The following ZNHIT3 variants were observed in gnomAD, a reference collection of about 807,000 sequenced individuals.
The protein encoded by ZNHIT3 is zinc finger HIT domain-containing protein 3.
In ZNHIT3, 27 loss-of-function variants were observed where a neutral mutation model predicts 19.9. The observed-to-expected ratio is 1.36, with a 90% CI of 1.00 to 1.87. The LOEUF is 1.87. Ranked by LOEUF, ZNHIT3 falls within the 40% of genes most tolerant of loss-of-function variation. The probability of loss-of-function intolerance (pLI) is 0.00; values close to 1 mark genes in which losing one functional copy is unlikely to be tolerated. For missense variants in ZNHIT3, 215 were observed against 185.6 expected, an observed-to-expected ratio of 1.16 and a Z score of -0.92; for synonymous variants, 81 against 65.7, an observed-to-expected ratio of 1.23 and a Z score of -1.13.
chr17:36,489,039 G>A (rs2070661696), intron 2 of ZNHIT3: 1 of 152,200 alleles, frequency 6.6e-6, no homozygotes, highest in Non-Finnish European at 1.5e-5. Context: ...AACTTGCTTA[G>A]CATCCACATG....
At chr17:36,487,213 C>G (rs1405313715) in intron 2 of ZNHIT3, among the ~76,000 whole-genome samples, 1 of 152,170 alleles carries the variant, frequency 6.6e-6, no homozygotes, top group African/African-American at 2.4e-5. Context: ...TTCTACCCCG[C>G]TTCTCCTTCT....
In ZNHIT3 at chr17:36,495,534, A is replaced by G. The variant is rs747787393; in HGVS notation, c.*130A>G. 5 of 1,363,012 alleles carry G rather than the reference A, an allele frequency of 3.7e-6. No homozygotes were observed. Among genetic ancestry groups the G allele is most frequent in the Non-Finnish European group, 4.7e-6 (5 of 1,061,484 alleles). The allele number at this position is 1,363,012 out of a possible 1,614,324, so 84.4% of individuals were successfully genotyped here. On this transcript the variant is annotated 3_prime_UTR_variant, in exon 5 of 5. Coordinates refer to ENST00000617429, the MANE Select transcript of ZNHIT3 (RefSeq NM_004773.4). Reference sequence around the variant, plus strand: ...AGGTTTCCAGGATGCAGATTAGGTCATGCAGGCCTTTACCGGCATTGATGT... The same window carrying G: ...AGGTTTCCAGGATGCAGATTAGGTCGTGCAGGCCTTTACCGGCATTGATGT...
At chr17:36,498,483 A>C, downstream of ZNHIT3, 1 of 1,614,006 alleles carries the variant, frequency 6.2e-7, no homozygotes, top group Non-Finnish European at 8.5e-7. Context: ...CGAGGTGCTC[A>C]GGGAACAGGG....
intron 2 of ZNHIT3, 145 bp downstream of exon 2, chr17:36,487,111 C>T: frequency 9.2e-7 from 1 of 1,083,898 alleles, no homozygotes; most frequent in Non-Finnish European, 1.3e-6. Flanking sequence ...CTTGCTTCCT[C>T]TGACTTGGTC....
chr17:36,496,986 C>T (rs963485079), downstream of ZNHIT3, among the ~76,000 whole-genome samples: 3 of 152,042 alleles, frequency 2.0e-5, no homozygotes, highest in Non-Finnish European at 2.9e-5. Context: ...TCACAAAGCC[C>T]TGAGTGACAA....
chr17:36,496,178 C>G, downstream of ZNHIT3: 2 of 1,567,460 alleles, frequency 1.3e-6, no homozygotes, highest in South Asian at 2.3e-5. Context: ...AGTCTGGCAG[C>G]TGTGTGCTGA....
At chr17:36,493,860 TG>T in intron 3 of ZNHIT3, 65 bp from the exon 4 acceptor site, 1 of 1,073,108 alleles carries the variant, frequency 9.3e-7, no homozygotes, top group Non-Finnish European at 1.4e-6. Flanking sequence ...GTTCAAGTAG[TG>T]GTTAAAATCT....
At chr17:36,498,987 GCAGTGGCAGAGCCAGCATTC>G, downstream of ZNHIT3, 1 of 1,054,936 alleles carries the variant, frequency 9.5e-7, no homozygotes, top group Non-Finnish European at 1.4e-6. Context: ...CACCTGCATT[GCAGTGGCAGAGCCAGCATTC>G]CCACTCGGGT....
chr17:36,493,941 T>A lies in ZNHIT3; in HGVS notation c.221T>A (p.Ile74Lys), dbSNP rs756908527. 6.2e-7 allele frequency: 1 copy of A among 1,613,394 alleles called. No individual in the cohort carries two copies. The highest frequency in any genetic ancestry group is 1.1e-5 in the South Asian group (1 of 91,046). The change falls in exon 4 of 5, where the codon ATA becomes AAA. Residue 74 changes from isoleucine to lysine, a missense_variant. Coordinates refer to ENST00000617429, the MANE Select transcript of ZNHIT3 (RefSeq NM_004773.4). ...TATTCCTTAGATGATGATGACTCTA[T>A]AGCTGATTTTCTCAATAGTGATGAG... ...PVENKDDDDS[I>K]ADFLNSDEEE...
chr17:36,497,404 T>C (rs537825583), downstream of ZNHIT3, among the ~76,000 whole-genome samples: 1 of 150,776 alleles, frequency 6.6e-6, no homozygotes, highest in South Asian at 2.1e-4. Context: ...AACCAAGCAA[T>C]ACAATTTGGG....
chr17:36,499,262 A>G, downstream of ZNHIT3: 3 of 794,874 alleles, frequency 3.8e-6, no homozygotes, highest in Middle Eastern at 7.1e-4. Flanking sequence ...AAAGTTTCAA[A>G]TACGTTTTTT....
intron 3 of ZNHIT3, chr17:36,493,219 A>G (rs1281358368): frequency 9.9e-6 from 4 of 404,104 alleles, no homozygotes; most frequent in Non-Finnish European, 1.8e-5. Flanking sequence ...CCCTCCATGA[A>G]TCTGGCTGGG....
chr17:36,489,018 T>A (rs1368175957), intron 2 of ZNHIT3: 1 of 152,232 alleles, frequency 6.6e-6, no homozygotes, highest in East Asian at 1.9e-4. Flanking sequence ...GCTCTCTACT[T>A]CTGTGAAATC....
At chr17:36,489,632 T>C (rs1213031020) in intron 2 of ZNHIT3, 1 of 152,040 alleles carries the variant, frequency 6.6e-6, no homozygotes, top group Admixed American at 6.6e-5. Context: ...CCCATTTTTT[T>C]TTTTTTTCTT....
Position 36,493,956 on chromosome 17 carries a change from A to C in ZNHIT3, c.236A>C (p.Asn79Thr), listed in dbSNP as rs1204102434. The C allele has an allele frequency of 6.2e-7, 1 of 1,613,728 alleles. No individual in the cohort carries two copies. Among genetic ancestry groups the C allele is most frequent in the Non-Finnish European group, 8.5e-7 (1 of 1,179,766 alleles). ...GATGACTCTATAGCTGATTTTCTCA[A>C]TAGTGATGAGGAAGAAGACAGAGTT... ...DDDDSIADFL[N>T]SDEEEDRVSL... The change falls in exon 4 of 5, where the codon AAT becomes ACT. Residue 79 changes from asparagine to threonine, a missense_variant. Asn to Thr is a moderately conservative substitution (Grantham distance 65). Coordinates refer to ENST00000617429, the MANE Select transcript of ZNHIT3 (RefSeq NM_004773.4).
chr17:36,498,461 G>C, downstream of ZNHIT3: 1 of 1,614,054 alleles, frequency 6.2e-7, no homozygotes, highest in African/African-American at 1.3e-5. Flanking sequence ...CCAGGAGCCT[G>C]GTCTGCAGCG....
chr17:36,493,063 G>C, intron 3 of ZNHIT3, 164 bp downstream of exon 3: 1 of 665,036 alleles, frequency 1.5e-6, no homozygotes, highest in Non-Finnish European at 2.6e-6. Context: ...GTCATCATGG[G>C]TGATATTGAG....
At chr17:36,498,943 G>A (rs2071249756), downstream of ZNHIT3, 2 of 680,788 alleles carry the variant, frequency 2.9e-6, no homozygotes, top group Non-Finnish European at 2.6e-6. Context: ...TGAGGAATAT[G>A]AGGCTCAGAG....
downstream of ZNHIT3, chr17:36,498,463 T>C (rs1394890397): frequency 3.1e-6 from 5 of 1,614,016 alleles, no homozygotes; most frequent in Non-Finnish European, 4.2e-6. Flanking sequence ...AGGAGCCTGG[T>C]CTGCAGCGGC....
Sources: allele counts gnomAD v4.1 joint callset (sites outside exome capture counted in the v4.1 genomes callset), GRCh38; gene constraint gnomAD v4.1.1; transcripts MANE v1.5; gene names NCBI Gene and HGNC (gene_info 2026-07-23, HGNC 2026-07-21).